The following SLC25A26 variants were observed in gnomAD, a reference collection of about 807,000 sequenced individuals.
SLC25A26 encodes mitochondrial S-adenosylmethionine carrier protein.
A neutral mutation model predicts 37.8 loss-of-function variants in SLC25A26; 36 were observed. The observed-to-expected ratio is 0.95, with a 90% CI of 0.73 to 1.26. SLC25A26 has a LOEUF of 1.26. Among genes scored for constraint, SLC25A26 ranks in the 50% most tolerant of loss-of-function variants. The pLI is 0.00. For synonymous variants in SLC25A26, 129 were observed against 122.5 expected (o/e 1.05, Z -0.35); for missense variants, 390 against 331.1 (o/e 1.18, Z -1.38).
chr3:66,204,488 G>T (rs1428833306), intron 1 of SLC25A26, among the ~76,000 whole-genome samples: 1 of 151,382 alleles, frequency 6.6e-6, no homozygotes, highest in Non-Finnish European at 1.5e-5. Context: ...AATGAGAATG[G>T]CTATTTGATA....
intron 1 of SLC25A26, among the ~76,000 whole-genome samples, chr3:66,234,707 G>C (rs1385167277): frequency 6.6e-6 from 1 of 152,172 alleles, no homozygotes; most frequent in Admixed American, 6.5e-5. Flanking sequence ...AAGTAAAGCA[G>C]ATAGTATTTG....
At chr3:66,225,220 C>T (rs2071685807) in intron 1 of SLC25A26, among the ~76,000 whole-genome samples, 1 of 152,164 alleles carries the variant, frequency 6.6e-6, no homozygotes, top group Non-Finnish European at 1.5e-5. Context: ...AGAGCCCCAC[C>T]CCTGCAGCAC....
intron 2 of SLC25A26, among the ~76,000 whole-genome samples, chr3:66,242,801 A>G (rs1559607896): frequency 6.6e-6 from 1 of 152,236 alleles, no homozygotes; most frequent in East Asian, 1.9e-4. Flanking sequence ...TCTTTAAAGT[A>G]TGTTTGCAAT....
chr3:66,285,312 G>A (rs187126077), intron 5 of SLC25A26, among the ~76,000 whole-genome samples: 159 of 151,678 alleles, frequency 1.0e-3, no homozygotes, highest in Non-Finnish European at 1.9e-3. Context: ...AACAAGCGAA[G>A]TAAGGGGATT....
chr3:66,213,660 G>C (rs901955048), intron 1 of SLC25A26, among the ~76,000 whole-genome samples: 1 of 151,984 alleles, frequency 6.6e-6, no homozygotes, highest in Non-Finnish European at 1.5e-5. Flanking sequence ...GTTTACATTA[G>C]GTTAATCACT....
intron 3 of SLC25A26, among the ~76,000 whole-genome samples, chr3:66,251,500 A>G (rs888842262): frequency 1.3e-5 from 2 of 152,166 alleles, no homozygotes; most frequent in African/African-American, 4.8e-5. Flanking sequence ...TACCGAGCTA[A>G]GTTGAATAAG....
rs1490313373 is a variant in SLC25A26 at position 66,345,187 on chromosome 3, G to T, written c.454-1177G>T. ...ACGCATGACTCTCCTCCCTAGCTGT[G>T]CCTGGGACGTGATCAGTGCTCAGAC... On this transcript the variant is annotated intron_variant, in intron 5 of 9. Transcript: ENST00000354883. 1.3e-5 allele frequency among the ~76,000 whole-genome samples: 2 copies of T among 152,038 alleles called. 1 individual carries two copies. The highest frequency in any genetic ancestry group is 3.9e-4 in the East Asian group (2 of 5,150).
chr3:66,299,076 A>G (rs1248732631), intron 5 of SLC25A26, among the ~76,000 whole-genome samples: 1 of 152,214 alleles, frequency 6.6e-6, no homozygotes, highest in Non-Finnish European at 1.5e-5. Context: ...GTACACATGA[A>G]TACGTACCTA....
intron 5 of SLC25A26, among the ~76,000 whole-genome samples, chr3:66,284,314 A>C (rs1487429763): frequency 6.6e-6 from 1 of 152,150 alleles, no homozygotes; most frequent in Non-Finnish European, 1.5e-5. Flanking sequence ...ATGCCACTGT[A>C]CTCCAGTCTG....
chr3:66,293,759 TGTA>T (rs1253568079), intron 5 of SLC25A26, among the ~76,000 whole-genome samples: 1 of 152,214 alleles, frequency 6.6e-6, no homozygotes, highest in African/African-American at 2.4e-5. Context: ...ATGGTATATA[TGTA>T]CCACATTTCC....
At chr3:66,144,104 A>G (rs988903475) in intron 1 of SLC25A26, among the ~76,000 whole-genome samples, 2 of 152,132 alleles carry the variant, frequency 1.3e-5, no homozygotes, top group Non-Finnish European at 2.9e-5. Flanking sequence ...GCTACTTTCA[A>G]TAGTTAGGAA....
chr3:66,317,683 C>T (rs547211267), intron 5 of SLC25A26, among the ~76,000 whole-genome samples: 16 of 152,180 alleles, frequency 1.1e-4, no homozygotes, highest in Non-Finnish European at 2.4e-4. Flanking sequence ...ATCCAGGCTG[C>T]CCTGACTCTC....
intron 1 of SLC25A26, among the ~76,000 whole-genome samples, chr3:66,176,875 C>G (rs1188596680): frequency 1.3e-5 from 2 of 152,152 alleles, no homozygotes; most frequent in South Asian, 4.1e-4. Flanking sequence ...GGAAATCGAC[C>G]TTCTTCCCAG....
chr3:66,238,096 C>T (rs976967090), intron 2 of SLC25A26, among the ~76,000 whole-genome samples: 4 of 152,112 alleles, frequency 2.6e-5, no homozygotes, highest in African/African-American at 4.8e-5. Context: ...CACTCCATGC[C>T]AAGCATAGTT....
At chr3:66,350,707 TGTGTGTGA>T (rs772743039) in intron 6 of SLC25A26, among the ~76,000 whole-genome samples, 4 of 132,086 alleles carry the variant, frequency 3.0e-5, no homozygotes, top group Non-Finnish European at 6.7e-5. Flanking sequence ...TGTGTGTGTG[TGTGTGTGA>T]GCGCGCGCGT....
chr3:66,142,193 T>C (rs2070045664), intron 1 of SLC25A26, among the ~76,000 whole-genome samples: 1 of 152,228 alleles, frequency 6.6e-6, no homozygotes, highest in African/African-American at 2.4e-5. Context: ...CTTCTCTAGA[T>C]TTACCTATTC....
chr3:66,293,449 G>A (rs2074784053), intron 5 of SLC25A26, among the ~76,000 whole-genome samples: 1 of 150,384 alleles, frequency 6.6e-6, no homozygotes, highest in Non-Finnish European at 1.5e-5. Flanking sequence ...CTTGTGTCAT[G>A]GAGGTTTGTT....
intron 5 of SLC25A26, among the ~76,000 whole-genome samples, chr3:66,275,938 A>G (rs919182919): frequency 1.3e-5 from 2 of 152,138 alleles, no homozygotes; most frequent in Non-Finnish European, 1.5e-5. Flanking sequence ...TCATTACTGT[A>G]TACTGTCTTA....
upstream of SLC25A26, among the ~76,000 whole-genome samples, chr3:66,220,468 T>C (rs935480197): frequency 1.3e-5 from 2 of 152,144 alleles, no homozygotes; most frequent in Non-Finnish European, 2.9e-5. Flanking sequence ...AACAAACAAA[T>C]AATTTTAAAT....
Sources: allele counts gnomAD v4.1 joint callset (sites outside exome capture counted in the v4.1 genomes callset), GRCh38; gene constraint gnomAD v4.1.1; transcripts MANE v1.5; gene names NCBI Gene and HGNC (gene_info 2026-07-23, HGNC 2026-07-21).